Variants in NCOA1 observed in about 807,000 individuals in gnomAD.
NCOA1 encodes Hin-2 protein.
NCOA1 carries 35 observed loss-of-function variants against 150.9 expected under a neutral mutation model. The ratio of observed to expected loss-of-function variants is 0.23; its 90% CI spans 0.18 to 0.31. The LOEUF is 0.31. NCOA1 is among the 10% of genes least tolerant of loss of function. The probability of loss-of-function intolerance (pLI) is 1.00; values close to 1 mark genes in which losing one functional copy is unlikely to be tolerated. For synonymous variants in NCOA1, 590 were observed against 630.0 expected (o/e 0.94, Z 0.95); for missense variants, 1,491 against 1,749.3 (o/e 0.85, Z 2.63).
Position 24,729,780 on chromosome 2 carries a change from C to G in NCOA1, c.3166C>G (p.Leu1056Val). The change falls in exon 17 of 23, where the codon CTT becomes GTT. Residue 1056 changes from leucine (L) to valine (V), a missense_variant. Physicochemically the swap from Leu to Val is conservative, Grantham distance 32. Around this residue, in one of 8 missense-constraint regions of NCOA1, gnomAD observed 485 missense variants for 522.8 expected, o/e 0.93. Coordinates refer to ENST00000348332, the MANE Select transcript of NCOA1 (RefSeq NM_003743.5). Reference sequence around the variant, plus strand: ...TCCGGCTGCACCTAACCAGCTTCGACTTCAACTACAGCAGCGATTACAGGG... The same window carrying G: ...TCCGGCTGCACCTAACCAGCTTCGAGTTCAACTACAGCAGCGATTACAGGG... ...RPPAAPNQLR[L>V]QLQQRLQGQQ... 1 of 1,614,050 alleles carries G rather than the reference C, an allele frequency of 6.2e-7. No individual in the cohort carries two copies. The highest frequency in any genetic ancestry group is 8.5e-7 in the Non-Finnish European group (1 of 1,179,930).
intron 3 of NCOA1, among the ~76,000 whole-genome samples, chr2:24,599,549 A>C (rs552463773): frequency 2.0e-5 from 3 of 152,250 alleles, no homozygotes; most frequent in African/African-American, 7.2e-5. Flanking sequence ...CCTTATACGT[A>C]GGATTTTTAA....
intron 6 of NCOA1, among the ~76,000 whole-genome samples, chr2:24,666,164 A>G (rs898309287): frequency 2.8e-4 from 42 of 151,810 alleles, no homozygotes; most frequent in African/African-American, 9.6e-4. Context: ...GGCGCCTGCC[A>G]CTATACCTGG....
intron 3 of NCOA1, among the ~76,000 whole-genome samples, chr2:24,619,567 C>G (rs988146660): frequency 5.3e-5 from 8 of 152,106 alleles, no homozygotes; most frequent in Admixed American, 4.6e-4. Flanking sequence ...AGACCCAGAG[C>G]CTTGACTTCA....
At chr2:24,725,872 A>G (rs1337380959) in intron 14 of NCOA1, among the ~76,000 whole-genome samples, 2 of 152,066 alleles carry the variant, frequency 1.3e-5, no homozygotes, top group Non-Finnish European at 2.9e-5. Context: ...GTCAATATCT[A>G]TGCCATAATT....
At chr2:24,669,011 G>C (rs922777817) in intron 6 of NCOA1, among the ~76,000 whole-genome samples, 6 of 152,056 alleles carry the variant, frequency 3.9e-5, no homozygotes, top group Non-Finnish European at 8.8e-5. Flanking sequence ...TTAAATATTG[G>C]TTACGCAAAA....
chr2:24,495,902 C>G (rs1663188397), intron 1 of NCOA1, among the ~76,000 whole-genome samples: 1 of 152,200 alleles, frequency 6.6e-6, no homozygotes, highest in African/African-American at 2.4e-5. Flanking sequence ...ATGATTGGCA[C>G]ATAGACATTA....
intron 3 of NCOA1, among the ~76,000 whole-genome samples, chr2:24,602,175 A>G (rs1217031706): frequency 1.3e-5 from 2 of 152,112 alleles, no homozygotes; most frequent in African/African-American, 4.8e-5. Context: ...AATAGCAACA[A>G]GTAATTGGAT....
chr2:24,744,547 A>T (rs910913507), intron 19 of NCOA1, among the ~76,000 whole-genome samples: 3 of 152,266 alleles, frequency 2.0e-5, no homozygotes, highest in African/African-American at 7.2e-5. Context: ...TTGTGTTGGC[A>T]CAAAATGAAG....
In NCOA1 at chr2:24,739,468, T is replaced by C. The variant is rs1357132157; in HGVS notation, c.3238T>C (p.Phe1080Leu). 6.2e-7 allele frequency: 1 copy of C among 1,613,934 alleles called. No individual in the cohort carries two copies. The highest frequency in any genetic ancestry group is 8.5e-7 in the Non-Finnish European group (1 of 1,179,838). ...AAATCGGCAAGCTATCTTAAACCAG[T>C]TTGCAGCAACTGCTCCTGTTGGCAT... ...HQNRQAILNQ[F>L]AATAPVGINM... Residue 1080 changes from phenylalanine (F) to leucine (L), a missense_variant, in exon 18 of 23, where the codon TTT becomes CTT. By Grantham distance (22) the Phe-to-Leu change is conservative (BLOSUM62 0). Coordinates refer to ENST00000348332, the MANE Select transcript of NCOA1 (RefSeq NM_003743.5).
chr2:24,570,376 G>T (rs1666696672), intron 2 of NCOA1, among the ~76,000 whole-genome samples: 1 of 152,132 alleles, frequency 6.6e-6, no homozygotes, highest in African/African-American at 2.4e-5. Flanking sequence ...CAAAGAAGAT[G>T]AGACAATCTG....
At chr2:24,648,054 A>G (rs1420877725) in intron 4 of NCOA1, among the ~76,000 whole-genome samples, 1 of 152,206 alleles carries the variant, frequency 6.6e-6, no homozygotes, top group African/African-American at 2.4e-5. Context: ...AGCAGAAGGA[A>G]TATAGCTAGC....
At chr2:24,681,984 G>C (rs1241462608) in intron 7 of NCOA1, among the ~76,000 whole-genome samples, 3 of 152,194 alleles carry the variant, frequency 2.0e-5, no homozygotes, top group Non-Finnish European at 4.4e-5. Context: ...AAAATGCTGG[G>C]ATTACAGGCG....
At chr2:24,765,896 CTTTT>C (rs773857143) in intron 22 of NCOA1, among the ~76,000 whole-genome samples, 1,865 of 128,034 alleles carry the variant, frequency 0.015, 37 homozygotes, top group African/African-American at 0.052. Flanking sequence ...CAATAATACA[CTTTT>C]TTTTTTTTTT....
At chr2:24,608,465 C>T (rs12151652) in intron 3 of NCOA1, among the ~76,000 whole-genome samples, 71,837 of 150,426 alleles carry the variant, frequency 0.48, 18,676 homozygotes, top group Admixed American at 0.64. Context: ...GATGGGGTTT[C>T]ACCCTGTTAG....
At chr2:24,666,904 C>G (rs1671457402) in intron 6 of NCOA1, among the ~76,000 whole-genome samples, 1 of 152,132 alleles carries the variant, frequency 6.6e-6, no homozygotes, top group South Asian at 2.1e-4. Flanking sequence ...CCCATACCAT[C>G]AAACTCCTTG....
chr2:24,714,993 A>G (rs1311267874), intron 14 of NCOA1, among the ~76,000 whole-genome samples: 1 of 152,136 alleles, frequency 6.6e-6, no homozygotes, highest in Non-Finnish European at 1.5e-5. Flanking sequence ...GTATCATTCA[A>G]AATGACACAG....
chr2:24,614,622 T>G (rs2148393938), intron 3 of NCOA1, among the ~76,000 whole-genome samples: 1 of 152,220 alleles, frequency 6.6e-6, no homozygotes, highest in South Asian at 2.1e-4. Flanking sequence ...GGGAATCCTC[T>G]TGGAAAATTT....
chr2:24,559,866 C>G (rs1666227298), intron 1 of NCOA1, among the ~76,000 whole-genome samples: 1 of 152,142 alleles, frequency 6.6e-6, no homozygotes, highest in Admixed American at 6.5e-5. Context: ...TATCTGTTCC[C>G]CAGAGGCAGA....
At chr2:24,715,094 A>T (rs1372404749) in intron 14 of NCOA1, among the ~76,000 whole-genome samples, 1 of 152,154 alleles carries the variant, frequency 6.6e-6, no homozygotes, top group African/African-American at 2.4e-5. Context: ...AATGCAGGTG[A>T]AATAAAGATG....
Sources: allele counts gnomAD v4.1 joint callset (sites outside exome capture counted in the v4.1 genomes callset), GRCh38; gene constraint gnomAD v4.1.1; regional missense constraint gnomAD v4.1.1; transcripts MANE v1.5; gene names NCBI Gene and HGNC (gene_info 2026-07-23, HGNC 2026-07-21).